The following SLC22A11 variants were observed in gnomAD, a reference collection of about 807,000 sequenced individuals.
SLC22A11 encodes solute carrier family 22 member 11.
In SLC22A11, 42 loss-of-function variants were observed where a neutral mutation model predicts 49.4. The observed-to-expected ratio is 0.85, with a 90% CI of 0.66 to 1.10. The LOEUF (loss-of-function observed/expected upper bound fraction) is 1.10. Ranked by LOEUF, SLC22A11 falls within the 50% of genes least tolerant of loss-of-function variation. The probability of loss-of-function intolerance (pLI) is 0.00; values close to 1 mark genes in which losing one functional copy is unlikely to be tolerated. For missense variants in SLC22A11, 685 were observed against 731.6 expected (o/e 0.94, Z 0.74); for synonymous variants, 304 against 315.8 (o/e 0.96, Z 0.40).
intron 7 of SLC22A11, among the ~76,000 whole-genome samples, chr11:64,568,103 C>T (rs902710220): frequency 3.9e-5 from 6 of 152,222 alleles, no homozygotes; most frequent in African/African-American, 1.4e-4. Context: ...GGGACGGAGG[C>T]GGCCGGGGCC....
chr11:64,558,634 G>C (rs904588413), intron 1 of SLC22A11, among the ~76,000 whole-genome samples: 7 of 152,258 alleles, frequency 4.6e-5, no homozygotes, highest in Middle Eastern at 3.4e-3. Context: ...CGAGGCAGTG[G>C]CTCTGCCACG....
chr11:64,568,679 C>T lies in SLC22A11; in HGVS notation c.1283C>T (p.Thr428Ile), dbSNP rs1591377207. Residue 428 changes from threonine to isoleucine, a missense_variant, in exon 8 of 10, where the codon ACC (threonine) becomes ATC (isoleucine). Physicochemically the swap from Thr to Ile is moderately conservative, Grantham distance 89. Coordinates refer to ENST00000301891, the MANE Select transcript of SLC22A11 (RefSeq NM_018484.4). The stretch of plus-strand genomic sequence containing the variant: ...CCCTTCCTGTACCCAGATTTGCAGA[C>T]CCTGCGTGTGGTCTTTGCTGTGCTG... ...ANMLVPQDLQ[T>I]LRVVFAVLGK... 3 of 1,614,084 alleles carry T rather than the reference C, an allele frequency of 1.9e-6. No homozygotes were observed. Among genetic ancestry groups the T allele is most frequent in the Non-Finnish European group, 2.5e-6 (3 of 1,179,960 alleles).
Position 64,562,569 on chromosome 11 carries a change from C to T in SLC22A11, c.821+134C>T, listed in dbSNP as rs1039488485. On this transcript the variant is annotated intron_variant, in intron 4 of 9. Coordinates refer to ENST00000301891, the MANE Select transcript of SLC22A11 (RefSeq NM_018484.4). This position sits in a 1 kb window ranked among gnomAD's most constrained non-coding sequence, Gnocchi z 4.4. ...AGGGCCATGGCATGAGCGGCACCCT[C>T]GCTAGGGAGGGACATTGGTGATTGG... The T allele has an allele frequency of 4.4e-5, 42 of 951,300 alleles. No homozygotes were observed. In the South Asian group the frequency reaches 6.2e-4, roughly 14 times the overall value. 58.9% of individuals were successfully genotyped at this position (951,300 alleles called of 1,614,324 possible). A position where few individuals can be genotyped will look rare whatever the true frequency, so the allele number is the denominator to read the frequency against.
chr11:64,568,545 C>A, intron 7 of SLC22A11, 125 bp from the exon 8 acceptor site: 1 of 774,132 alleles, frequency 1.3e-6, no homozygotes, highest in South Asian at 1.6e-5. Flanking sequence ...CGCACCAAGC[C>A]AGCAGGGCCG....
intron 1 of SLC22A11, among the ~76,000 whole-genome samples, chr11:64,557,798 A>ATTT (rs71049648): frequency 0.024 from 3,135 of 133,324 alleles, 149 homozygotes; most frequent in African/African-American, 0.076. Flanking sequence ...TGCCCAGCTA[A>ATTT]TTTTTTTTTT....
At chr11:64,569,129 C>A (rs1285039087) in intron 8 of SLC22A11, among the ~76,000 whole-genome samples, 1 of 152,208 alleles carries the variant, frequency 6.6e-6, no homozygotes, top group African/African-American at 2.4e-5. Context: ...CAAGTCACCT[C>A]CTTGGAGCCC....
rs1230636984 is a variant in SLC22A11 at position 64,567,672 on chromosome 11, C to G, written c.1132C>G (p.Gln378Glu). Residue 378 changes from glutamine (Q) to glutamate (E), a missense_variant, in exon 7 of 10, where the codon CAG becomes GAG. Coordinates refer to ENST00000301891, the MANE Select transcript of SLC22A11 (RefSeq NM_018484.4). ...QSLGRDIFLL[Q>E]ALFGAVDFLG... ...CCTGGGCCGTGACATCTTCCTCCTC[C>G]AGGCCCTCTTCGGGGCCGTGGACTT... The G allele has an allele frequency of 1.2e-6, 2 of 1,614,028 alleles. No homozygotes were observed. Among genetic ancestry groups the G allele is most frequent in the Non-Finnish European group, 8.5e-7 (1 of 1,180,052 alleles).
Position 64,571,065 on chromosome 11 carries a change from C to T in SLC22A11, c.*23C>T. ...TAGAAATTGTGCCTGCATGGAGCCCCTTTAGTCAAAGACTCCTGGAAAGGA... is the reference window on the plus strand; with the variant it reads ...TAGAAATTGTGCCTGCATGGAGCCCTTTTAGTCAAAGACTCCTGGAAAGGA... On this transcript the variant is annotated 3_prime_UTR_variant, in exon 10 of 10. Coordinates refer to ENST00000301891, the MANE Select transcript of SLC22A11 (RefSeq NM_018484.4). 1.2e-6 allele frequency: 2 copies of T among 1,613,946 alleles called. No individual in the cohort carries two copies. Among genetic ancestry groups the T allele is most frequent in the Non-Finnish European group, 1.7e-6 (2 of 1,179,804 alleles).
intron 2 of SLC22A11, 146 bp downstream of exon 2, chr11:64,559,384 A>T: frequency 1.6e-6 from 1 of 643,682 alleles, no homozygotes; most frequent in Non-Finnish European, 2.5e-6. Flanking sequence ...TCCCCTGGCC[A>T]TCCGAACCAA....
chr11:64,571,341 C>A lies in SLC22A11; in HGVS notation c.*299C>A. On this transcript the variant is annotated 3_prime_UTR_variant, in exon 10 of 10. Transcript: ENST00000301891. The stretch of plus-strand genomic sequence containing the variant: ...GGTTCCCCTCCCTTTCCCTGCCAGG[C>A]TCATGTCTTTACACCTTCACTCAGC... The A allele has an allele frequency of 2.4e-6, 1 of 408,516 alleles. No homozygotes were observed. Among genetic ancestry groups the A allele is most frequent in the Non-Finnish European group, 4.5e-6 (1 of 222,614 alleles). 25.3% of individuals were successfully genotyped at this position (408,516 alleles called of 1,614,324 possible). A position where few individuals can be genotyped will look rare whatever the true frequency, so the allele number is the denominator to read the frequency against.
chr11:64,566,021 G>A (rs927320674), intron 6 of SLC22A11: 9 of 165,720 alleles, frequency 5.4e-5, no homozygotes, highest in Admixed American at 2.2e-4. Flanking sequence ...AGTCAGGCGC[G>A]GTGGCTCAAG....
intron 9 of SLC22A11, 100 bp from the exon 10 acceptor site, chr11:64,570,879 A>C: frequency 1.3e-5 from 15 of 1,120,172 alleles, no homozygotes; most frequent in Non-Finnish European, 2.0e-5. Context: ...CTAATGCCAT[A>C]GAGTTTACCC....
At position 64,562,189 on chromosome 11, in the gene SLC22A11, T is replaced by C. The variant is rs2038557346; in HGVS notation, c.652+31T>C. 6.2e-7 allele frequency: 1 copy of C among 1,608,396 alleles called. No homozygotes were observed. The highest frequency in any genetic ancestry group is 2.2e-5 in the East Asian group (1 of 44,710). On this transcript the variant is annotated intron_variant, in intron 3 of 9. Coordinates refer to ENST00000301891, the MANE Select transcript of SLC22A11 (RefSeq NM_018484.4). The surrounding 1 kb of genome is among the most constrained non-coding windows in gnomAD (Gnocchi z 4.4). Reference sequence around the variant, plus strand: ...TCCCCGGCTCAGCGCGCTCCTGCCATGGGGGCGGGGGTGGCAGGAGAGAAT... The same window carrying C: ...TCCCCGGCTCAGCGCGCTCCTGCCACGGGGGCGGGGGTGGCAGGAGAGAAT...
intron 2 of SLC22A11, among the ~76,000 whole-genome samples, chr11:64,559,521 T>A (rs1281582687): frequency 6.6e-6 from 1 of 151,850 alleles, no homozygotes; most frequent in Non-Finnish European, 1.5e-5. Flanking sequence ...TCCTGCCAGA[T>A]GGTCATAGGC....
chr11:64,568,805 A>G (rs770592873), intron 8 of SLC22A11, 27 bp downstream of exon 8: 1 of 1,580,690 alleles, frequency 6.3e-7, no homozygotes, highest in Non-Finnish European at 8.7e-7. Flanking sequence ...GCCATGCCCC[A>G]GGGCCAGCAG....
chr11:64,559,911 G>A (rs1036689337), intron 2 of SLC22A11, among the ~76,000 whole-genome samples: 2 of 152,088 alleles, frequency 1.3e-5, no homozygotes, highest in Admixed American at 6.5e-5. Context: ...GGGGAGAAGC[G>A]TTCTCTGTGA....
intron 6 of SLC22A11, among the ~76,000 whole-genome samples, chr11:64,566,992 G>C (rs1171298521): frequency 2.6e-5 from 4 of 152,120 alleles, no homozygotes; most frequent in Admixed American, 2.0e-4. Flanking sequence ...GAAGGCAAGG[G>C]GAGATGCAGC....
chr11:64,568,806 G>T (rs1458137313), intron 8 of SLC22A11, 28 bp downstream of exon 8: 1 of 1,580,206 alleles, frequency 6.3e-7, no homozygotes, highest in Admixed American at 1.7e-5. Flanking sequence ...CCATGCCCCA[G>T]GGCCAGCAGG....
Position 64,562,303 on chromosome 11 carries a change from C to T in SLC22A11, c.689C>T (p.Thr230Ile). Residue 230 changes from threonine to isoleucine, a missense_variant, in exon 4 of 10, where the codon ACC becomes ATC. Transcript: ENST00000301891. The surrounding 1 kb of genome is among the most constrained non-coding windows in gnomAD (Gnocchi z 4.4). ...ACCACGACCAGCAGGAGGGCGGTCACCATGACGGTGGTGGGATGTGCCTTC... is the reference window on the plus strand; with the variant it reads ...ACCACGACCAGCAGGAGGGCGGTCATCATGACGGTGGTGGGATGTGCCTTC... The part of the protein sequence containing the change: ...EWTTTSRRAV[T>I]MTVVGCAFSA... 6.2e-7 allele frequency: 1 copy of T among 1,610,134 alleles called. No homozygotes were observed. Among genetic ancestry groups the T allele is most frequent in the Non-Finnish European group, 8.5e-7 (1 of 1,177,858 alleles).
Sources: allele counts gnomAD v4.1 joint callset (sites outside exome capture counted in the v4.1 genomes callset), GRCh38; gene constraint gnomAD v4.1.1; non-coding constraint Gnocchi (gnomAD v3.1); transcripts MANE v1.5; gene names NCBI Gene and HGNC (gene_info 2026-07-23, HGNC 2026-07-21).